The following CYFIP1 variants were observed in gnomAD, a reference collection of about 807,000 sequenced individuals.
CYFIP1 encodes the protein cytoplasmic FMR1-interacting protein 1.
Under a neutral mutation model 163.5 loss-of-function variants are expected in CYFIP1, and 58 were observed. That is an observed-to-expected ratio of 0.35 (90% CI 0.29 to 0.44). The LOEUF is 0.44. Among genes scored for constraint, CYFIP1 ranks in the 20% least tolerant of loss-of-function variants. The pLI, the probability that CYFIP1 is intolerant of heterozygous loss-of-function variation, is 1.00. For synonymous variants in CYFIP1, 663 were observed against 660.7 expected, an observed-to-expected ratio of 1.00 and a Z score of -0.05; for missense variants, 1,338 against 1,653.8, an observed-to-expected ratio of 0.81 and a Z score of 3.31.
At chr15:22,874,027 C>T (rs1203480855) in intron 28 of CYFIP1, among the ~76,000 whole-genome samples, 2 of 152,212 alleles carry the variant, frequency 1.3e-5, no homozygotes, top group South Asian at 2.1e-4. Context: ...GAATGAACCC[C>T]GGTGCCCGGC....
At chr15:22,926,342 T>A (rs914036089) in intron 12 of CYFIP1, among the ~76,000 whole-genome samples, 5 of 152,158 alleles carry the variant, frequency 3.3e-5, no homozygotes, top group Non-Finnish European at 5.9e-5. Flanking sequence ...TAGTGAGTGC[T>A]GAGTATCTAA....
At chr15:22,896,881 C>T (rs1251907559) in intron 22 of CYFIP1, among the ~76,000 whole-genome samples, 1 of 152,016 alleles carries the variant, frequency 6.6e-6, no homozygotes, top group Non-Finnish European at 1.5e-5. Context: ...ATTTCAGTGC[C>T]ATGTTGCATG....
intron 10 of CYFIP1, 145 bp downstream of exon 10, chr15:22,933,657 T>A: frequency 1.6e-6 from 1 of 625,536 alleles, no homozygotes; most frequent in South Asian, 2.2e-5. Flanking sequence ...TAGCCGCATG[T>A]GGCAAAGGCT....
chr15:22,876,199 G>A (rs765103378), intron 26 of CYFIP1, among the ~76,000 whole-genome samples: 5 of 151,994 alleles, frequency 3.3e-5, no homozygotes, highest in Admixed American at 6.5e-5. Flanking sequence ...CCGACAATGA[G>A]ATTTTAACTT....
rs2060987703 is a variant in CYFIP1 at position 22,916,499 on chromosome 15, G to A, written c.1806C>T (p.Tyr602=). Residue 602 remains tyrosine, a synonymous_variant, in exon 16 of 31, where the codon TAC becomes TAT. Coordinates refer to ENST00000617928, the MANE Select transcript of CYFIP1 (RefSeq NM_014608.6). ...IEKFHRESFF[Y]THLINFSETL... ...TACCACTGAAATTTATCAAGTGAGT[G>A]TAGAAGAATGACTCTCGATGAAATT... The A allele has an allele frequency of 6.2e-7, 1 of 1,612,246 alleles. No homozygotes were observed. The highest frequency in any genetic ancestry group is 1.7e-5 in the Admixed American group (1 of 59,956).
intron 1 of CYFIP1, among the ~76,000 whole-genome samples, chr15:22,948,373 C>T (rs1171804481): frequency 1.3e-5 from 2 of 152,188 alleles, no homozygotes; most frequent in East Asian, 3.8e-4. Flanking sequence ...GTCCAAGTGG[C>T]AGTGCAGGAG....
At chr15:22,896,334 T>G (rs2060235075) in intron 22 of CYFIP1, among the ~76,000 whole-genome samples, 1 of 152,108 alleles carries the variant, frequency 6.6e-6, no homozygotes, top group African/African-American at 2.4e-5. Flanking sequence ...CGATCCTGCT[T>G]GAGGTTTATT....
intron 26 of CYFIP1, among the ~76,000 whole-genome samples, chr15:22,879,199 G>C (rs1311057138): frequency 6.6e-6 from 1 of 152,034 alleles, no homozygotes; most frequent in Admixed American, 6.6e-5. Context: ...CACAGGAAAA[G>C]AAACAAGAAG....
At chr15:22,971,903 G>A (rs1352844984) in intron 1 of CYFIP1, among the ~76,000 whole-genome samples, 1 of 152,030 alleles carries the variant, frequency 6.6e-6, no homozygotes, top group Non-Finnish European at 1.5e-5. Context: ...AGTACCCAAA[G>A]CAATCTACAA....
intron 13 of CYFIP1, among the ~76,000 whole-genome samples, chr15:22,923,942 CAAAAA>C (rs916058496): frequency 1.6e-5 from 1 of 61,816 alleles, no homozygotes; most frequent in East Asian, 4.6e-4. Flanking sequence ...ACCTTGTCTC[CAAAAA>C]AAAAAAAAAA....
chr15:22,961,772 G>C (rs2062690312), intron 1 of CYFIP1, among the ~76,000 whole-genome samples: 1 of 152,158 alleles, frequency 6.6e-6, no homozygotes. Context: ...CTCAGCAACT[G>C]ACAGATGGAC....
At position 22,910,658 on chromosome 15, in the gene CYFIP1, C is replaced by T. The variant is rs575860674; in HGVS notation, c.2160-30G>A. The T allele has an allele frequency of 1.9e-6, 3 of 1,608,924 alleles. No individual in the cohort carries two copies. In the South Asian group the frequency reaches 3.3e-5, roughly 18 times the overall value. On this transcript the variant is annotated intron_variant, in intron 19 of 30. Transcript: ENST00000617928. ...TGTAGAAGGAAGACAGAAAGTTTTT[C>T]ATACGCCATAAATTGTAATGGGAAT...
At chr15:22,907,577 T>C (rs923550080) in intron 21 of CYFIP1, among the ~76,000 whole-genome samples, 1 of 152,136 alleles carries the variant, frequency 6.6e-6, no homozygotes, top group African/African-American at 2.4e-5. Flanking sequence ...TGTTAGAAAA[T>C]GCACACTGTA....
Position 22,940,477 on chromosome 15 carries a change from CCTG to C in CYFIP1, c.570-973_570-971del, listed in dbSNP as rs1376025459. ...GGAGCCCATCTTTCCCCACTTTCTG[CCTG>C]CTGACTGGAATGGAGAAATGACAGC... On this transcript the variant is annotated intron_variant, in intron 6 of 30. Transcript: ENST00000617928. Among the ~76,000 whole-genome samples the C allele has an allele frequency of 5.3e-5, 8 of 152,192 alleles. 1 individual carries two copies. Among genetic ancestry groups the C allele is most frequent in the African/African-American group, 1.2e-4 (5 of 41,446 alleles).
intron 23 of CYFIP1, among the ~76,000 whole-genome samples, chr15:22,892,384 G>A (rs11638659): frequency 0.38 from 57,123 of 151,996 alleles, 12,760 homozygotes; most frequent in Admixed American, 0.54. Flanking sequence ...TGGTAGACCC[G>A]GGTGCTCCGG....
At chr15:22,945,141 C>T (rs1373498907) in intron 3 of CYFIP1, among the ~76,000 whole-genome samples, 1 of 152,198 alleles carries the variant, frequency 6.6e-6, no homozygotes, top group Non-Finnish European at 1.5e-5. Context: ...CCCATGGCTT[C>T]TGCAGGCGAG....
intron 1 of CYFIP1, among the ~76,000 whole-genome samples, chr15:22,957,010 A>G (rs1056760322): frequency 7.2e-5 from 11 of 152,248 alleles, no homozygotes; most frequent in African/African-American, 2.4e-4. Flanking sequence ...ACAGCTCAAC[A>G]CCAAGGTTGC....
At chr15:22,934,485 CTTTTTTTTT>C (rs35881374) in intron 9 of CYFIP1, among the ~76,000 whole-genome samples, 2 of 49,796 alleles carry the variant, frequency 4.0e-5, no homozygotes, top group South Asian at 9.2e-4. Flanking sequence ...GCACCCAGCC[CTTTTTTTTT>C]TTTTTTTTTT....
chr15:22,944,973 C>T lies in CYFIP1; in HGVS notation c.208-34G>A, dbSNP rs561344331. ...GAACACAGGGCAAATCAAAGGCAGG[C>T]GGGGGAACTAGCATGAAAAGCAGAT... On this transcript the variant is annotated intron_variant, in intron 3 of 30. Transcript: ENST00000617928. 27 of 1,588,364 alleles carry T rather than the reference C, an allele frequency of 1.7e-5. 1 individual carries two copies. In the South Asian group the frequency reaches 1.9e-4, roughly 11 times the overall value.
Sources: allele counts gnomAD v4.1 joint callset (sites outside exome capture counted in the v4.1 genomes callset), GRCh38; gene constraint gnomAD v4.1.1; transcripts MANE v1.5; gene names NCBI Gene and HGNC (gene_info 2026-07-23, HGNC 2026-07-21).